VAPB: variants seen among roughly 807,000 people sequenced by gnomAD.
The protein encoded by VAPB is VAMP associated protein B and C, also known as vesicle-associated membrane protein-associated protein B/C.
VAPB carries 7 observed loss-of-function variants against 25.6 expected under a neutral mutation model. That is an observed-to-expected ratio of 0.27 (90% confidence interval 0.16 to 0.51). The LOEUF (loss-of-function observed/expected upper bound fraction) is 0.51, where lower values mean the gene tolerates loss of function less well. Among genes scored for constraint, VAPB ranks in the 20% least tolerant of loss-of-function variants. The pLI is 0.97. For synonymous variants in VAPB, 112 were observed against 109.2 expected, an observed-to-expected ratio of 1.03 and a Z score of -0.16; for missense variants, 266 against 301.3, an observed-to-expected ratio of 0.88 and a Z score of 0.87.
intron 4 of VAPB, chr20:58,439,315 G>C: frequency 2.4e-6 from 1 of 424,372 alleles, no homozygotes; most frequent in Non-Finnish European, 4.3e-6. Flanking sequence ...AAAGGTATAG[G>C]TTGCTGTTAA....
intron 1 of VAPB, among the ~76,000 whole-genome samples, chr20:58,403,991 G>A (rs1988161905): frequency 1.3e-5 from 2 of 152,022 alleles, no homozygotes; most frequent in South Asian, 4.2e-4. Context: ...CATCTCCTAT[G>A]CCCTTTTGCT....
rs542462722 is a variant in VAPB, at chr20:58,450,737, C to T, written c.*6502C>T. On this transcript the variant is annotated 3_prime_UTR_variant, in exon 6 of 6. Transcript: ENST00000475243. Reference sequence around the variant, plus strand: ...TCAATGTATGTTAACATGTTAGGAACTGAGTATCTTAAGAGATGTCTTAGA... The same window carrying T: ...TCAATGTATGTTAACATGTTAGGAATTGAGTATCTTAAGAGATGTCTTAGA... The T allele has an allele frequency of 2.2e-6, 1 of 453,652 alleles. No individual in the cohort carries two copies. Among genetic ancestry groups the T allele is most frequent in the African/African-American group, 2.0e-5 (1 of 49,920 alleles). 28.1% of individuals were successfully genotyped at this position (453,652 alleles called of 1,614,324 possible). A position where few individuals can be genotyped will look rare whatever the true frequency, so the allele number is the denominator to read the frequency against.
intron 2 of VAPB, chr20:58,431,455 C>T (rs906719117): frequency 1.3e-5 from 2 of 152,142 alleles, no homozygotes; most frequent in Admixed American, 6.5e-5. Context: ...TTGTTTTTCT[C>T]TAGAGTCAAA....
Position 58,389,302 on chromosome 20 carries a change from A to T in VAPB, c.-158A>T. The T allele has an allele frequency of 4.8e-5, 19 of 399,628 alleles. No homozygotes were observed. Among genetic ancestry groups the T allele is most frequent in the East Asian group, 1.7e-4 (2 of 11,628 alleles). The allele number at this position is 399,628 out of a possible 1,614,324, so 24.8% of individuals were successfully genotyped here. ...CCCTGCGCCTGCACCGCGTAGACCG[A>T]CCCCCCCCCAGCGCGCCCACCCGGT... On this transcript the variant is annotated 5_prime_UTR_variant, in exon 1 of 6. Coordinates refer to ENST00000475243, the MANE Select transcript of VAPB (RefSeq NM_004738.5).
At chr20:58,413,039 A>G (rs1988419171) in intron 1 of VAPB, among the ~76,000 whole-genome samples, 1 of 151,880 alleles carries the variant, frequency 6.6e-6, no homozygotes, top group South Asian at 2.1e-4. Context: ...AGAACTTTAT[A>G]CATCTTAAGG....
At position 58,446,435 on chromosome 20, in the gene VAPB, CTATT is replaced by C. The variant is rs1989294852; in HGVS notation, c.*2206_*2209del. ...AGTCCCATTACACTAGAGCAGGGCT[CTATT>C]TATTTTTAAAGGATATGGCCGTGTG... On this transcript the variant is annotated 3_prime_UTR_variant, in exon 6 of 6. Transcript: ENST00000475243. The C allele has an allele frequency of 4.4e-6, 2 of 454,010 alleles. No individual in the cohort carries two copies. The highest frequency in any genetic ancestry group is 1.6e-5 in the South Asian group (1 of 64,476). 28.1% of individuals were successfully genotyped at this position (454,010 alleles called of 1,614,324 possible).
intron 3 of VAPB, among the ~76,000 whole-genome samples, chr20:58,438,618 C>T (rs1165908311): frequency 6.6e-6 from 1 of 152,220 alleles, no homozygotes; most frequent in Non-Finnish European, 1.5e-5. Flanking sequence ...CCAAGGTTAC[C>T]TGGTCATCCA....
At chr20:58,406,823 AT>A (rs1988239697) in intron 1 of VAPB, among the ~76,000 whole-genome samples, 1 of 152,204 alleles carries the variant, frequency 6.6e-6, no homozygotes, top group African/African-American at 2.4e-5. Context: ...GTCTTGACTC[AT>A]CCTGCTTTGT....
chr20:58,423,823 C>G (rs1364979335), intron 2 of VAPB, among the ~76,000 whole-genome samples: 2 of 152,184 alleles, frequency 1.3e-5, no homozygotes, highest in East Asian at 3.8e-4. Context: ...GCTTATTACT[C>G]TCAGATAAGA....
intron 4 of VAPB, chr20:58,440,593 A>T (rs768377018): frequency 3.2e-6 from 1 of 309,476 alleles, no homozygotes; most frequent in Non-Finnish European, 6.2e-6. Context: ...CTGAGCTTGC[A>T]CAATTACAGT....
chr20:58,413,626 T>C (rs993428191), intron 1 of VAPB, among the ~76,000 whole-genome samples: 1 of 151,850 alleles, frequency 6.6e-6, no homozygotes, highest in Admixed American at 6.5e-5. Flanking sequence ...AAAGCCGCCA[T>C]TGTCATCCTG....
chr20:58,411,596 G>A (rs1988379964), intron 1 of VAPB, among the ~76,000 whole-genome samples: 1 of 152,182 alleles, frequency 6.6e-6, no homozygotes, highest in African/African-American at 2.4e-5. Flanking sequence ...ATGTTTATTT[G>A]CTTTCTGTAC....
At chr20:58,403,597 T>C (rs1244543850) in intron 1 of VAPB, among the ~76,000 whole-genome samples, 5 of 152,238 alleles carry the variant, frequency 3.3e-5, no homozygotes, top group African/African-American at 1.2e-4. Flanking sequence ...TCCACCTCTT[T>C]ATCATCTCTT....
At position 58,450,302 on chromosome 20, in the gene VAPB, CT is replaced by C; in HGVS notation, c.*6072del. 2.2e-6 allele frequency: 1 copy of C among 453,896 alleles called. No homozygotes were observed. Among genetic ancestry groups the C allele is most frequent in the Non-Finnish European group, 4.4e-6 (1 of 226,698 alleles). 28.1% of individuals were successfully genotyped at this position (453,896 alleles called of 1,614,324 possible). A position where few individuals can be genotyped will look rare whatever the true frequency, so the allele number is the denominator to read the frequency against. ...ATTGAGACCATGTGTACAAGAACTA[CT>C]TTTTGCTTTTCATCATTCACTCCTT... is the stretch of plus-strand genomic sequence containing the variant. On this transcript the variant is annotated 3_prime_UTR_variant, in exon 6 of 6. Coordinates refer to ENST00000475243, the MANE Select transcript of VAPB (RefSeq NM_004738.5).
chr20:58,406,143 G>A (rs1988225712), intron 1 of VAPB, among the ~76,000 whole-genome samples: 1 of 152,098 alleles, frequency 6.6e-6, no homozygotes, highest in South Asian at 2.1e-4. Context: ...CACTTGCAAC[G>A]AGAGATGTTA....
intron 2 of VAPB, among the ~76,000 whole-genome samples, chr20:58,421,706 G>C (rs1012953179): frequency 9.9e-5 from 15 of 152,084 alleles, no homozygotes; most frequent in Non-Finnish European, 2.1e-4. Context: ...GGGAAGGAAA[G>C]AAAGAGAGGA....
chr20:58,414,229 C>G (rs527781681), intron 1 of VAPB, among the ~76,000 whole-genome samples: 1 of 142,166 alleles, frequency 7.0e-6, no homozygotes, highest in East Asian at 2.3e-4. Flanking sequence ...GGGGGCTGAC[C>G]CCCCAACCTC....
intron 1 of VAPB, among the ~76,000 whole-genome samples, chr20:58,407,051 G>C (rs1988246548): frequency 6.6e-6 from 1 of 152,154 alleles, no homozygotes; most frequent in Non-Finnish European, 1.5e-5. Context: ...TTTTAGAACT[G>C]ATGTAAAATT....
rs1461001815 is a variant in VAPB at position 58,445,271 on chromosome 20, C to T, written c.*1036C>T. On this transcript the variant is annotated 3_prime_UTR_variant, in exon 6 of 6. Transcript: ENST00000475243. ...TTCTTATACCACCTCTCAACCATTACTCACACTTCCAGCGCCCAGGTCCAA... is the reference window on the plus strand; with the variant it reads ...TTCTTATACCACCTCTCAACCATTATTCACACTTCCAGCGCCCAGGTCCAA... The T allele has an allele frequency of 2.2e-6, 1 of 454,210 alleles. No homozygotes were observed. The highest frequency in any genetic ancestry group is 4.4e-6 in the Non-Finnish European group (1 of 226,796). The allele number at this position is 454,210 out of a possible 1,614,324, so 28.1% of individuals were successfully genotyped here. A position where few individuals can be genotyped will look rare whatever the true frequency, so the allele number is the denominator to read the frequency against.
Sources: gnomAD v4.1 joint callset for allele counts (sites outside exome capture counted in the v4.1 genomes callset) on GRCh38, gnomAD v4.1.1 for gene constraint, MANE v1.5 for transcripts, NCBI Gene and HGNC (gene_info 2026-07-23, HGNC 2026-07-21) for gene names.